The following ZNF560 variants were observed in gnomAD, a reference collection of about 807,000 sequenced individuals.
ZNF560 encodes the protein zinc finger protein 560.
ZNF560 carries 54 observed loss-of-function variants against 81.8 expected under a neutral mutation model. The observed-to-expected ratio is 0.66, with a 90% CI of 0.53 to 0.83. The LOEUF (loss-of-function observed/expected upper bound fraction) is 0.83. Among genes scored for constraint, ZNF560 ranks in the 40% least tolerant of loss-of-function variants. The probability of loss-of-function intolerance (pLI) is 0.00; values close to 1 mark genes in which losing one functional copy is unlikely to be tolerated. For missense variants in ZNF560, 940 were observed against 932.4 expected, an observed-to-expected ratio of 1.01 and a Z score of -0.11; for synonymous variants, 321 against 317.9, an observed-to-expected ratio of 1.01 and a Z score of -0.10.
In ZNF560 at chr19:9,468,317, T is replaced by C. The variant is rs749746647; in HGVS notation, c.630A>G (p.Gly210=). Residue 210 remains glycine (G), a synonymous_variant, in exon 10 of 10, where the codon GGA becomes GGG. Transcript: ENST00000301480. ...NGIQLARNQN[G]EELYDCKQCE... ...ATTGCTTACAGTCATAGAGTTCCTCTCCATTTTGGTTTCTTGCCTGTTAAC... is the reference window on the plus strand; with the variant it reads ...ATTGCTTACAGTCATAGAGTTCCTCCCCATTTTGGTTTCTTGCCTGTTAAC... 21 of 1,592,016 alleles carry C rather than the reference T, an allele frequency of 1.3e-5. No homozygotes were observed. Among genetic ancestry groups the C allele is most frequent in the East Asian group, 4.5e-5 (2 of 44,722 alleles).
At chr19:9,456,476 C>A in the ZNF560 span, among the ~76,000 whole-genome samples, 54 of 152,170 alleles carry the variant, frequency 3.5e-4, 1 homozygote, top group East Asian at 0.01. Flanking sequence ...ACTAAAAGAA[C>A]AAGGGGATTT....
chr19:9,450,059 G>A, the ZNF560 span, among the ~76,000 whole-genome samples: 3 of 150,808 alleles, frequency 2.0e-5, no homozygotes, highest in Non-Finnish European at 2.9e-5. Context: ...TTGGGACACT[G>A]AGGCAGCTGG....
upstream of ZNF560, among the ~76,000 whole-genome samples, chr19:9,503,118 G>A (rs12462997): frequency 0.1 from 15,601 of 152,054 alleles, 941 homozygotes; most frequent in South Asian, 0.2. Context: ...CACTTTGCGA[G>A]GCCAAGGTGA....
chr19:9,450,126 A>C, the ZNF560 span, among the ~76,000 whole-genome samples: 2 of 151,822 alleles, frequency 1.3e-5, no homozygotes, highest in Non-Finnish European at 2.9e-5. Flanking sequence ...CCCTGTCTCT[A>C]TTAAAAATAC....
chr19:9,481,086 A>C (rs1283845645), intron 2 of ZNF560, among the ~76,000 whole-genome samples: 20 of 149,694 alleles, frequency 1.3e-4, no homozygotes, highest in African/African-American at 4.1e-4. Context: ...TTATCTGAAA[A>C]AAAAAAAAAA....
chr19:9,506,409 CTGT>C, the ZNF560 span, among the ~76,000 whole-genome samples: 2 of 102,436 alleles, frequency 2.0e-5, no homozygotes, highest in Non-Finnish European at 4.1e-5. Flanking sequence ...CTGCACGCTT[CTGT>C]TGTTTTTTTT....
At chr19:9,491,825 C>CAAA (rs1337657281) in intron 2 of ZNF560, among the ~76,000 whole-genome samples, 5 of 28,930 alleles carry the variant, frequency 1.7e-4, no homozygotes, top group African/African-American at 6.8e-4. Flanking sequence ...GACTCCGTCT[C>CAAA]AAAAAAAAAA....
At position 9,467,751 on chromosome 19, in the gene ZNF560, G is replaced by A. The variant is rs2073052349; in HGVS notation, c.1196C>T (p.Thr399Ile). 7 of 1,614,046 alleles carry A rather than the reference G, an allele frequency of 4.3e-6. No individual in the cohort carries two copies. Among genetic ancestry groups the A allele is most frequent in the Non-Finnish European group, 5.9e-6 (7 of 1,180,022 alleles). The change falls in exon 10 of 10, where the codon ACT (threonine) becomes ATT (isoleucine). Residue 399 changes from threonine (T) to isoleucine (I), a missense_variant. Thr to Ile is a moderately conservative substitution (Grantham distance 89, BLOSUM62 -1). Transcript: ENST00000301480. ...CTTACACCCATAGGGCTTCTCTCCA[G>A]TGTGAGTTCGTACATGTTCAAGAAA... ...SGFLEHVRTH[T>I]GEKPYGCKEC...
At chr19:9,447,680 G>A in the ZNF560 span, among the ~76,000 whole-genome samples, 1 of 151,944 alleles carries the variant, frequency 6.6e-6, no homozygotes. Context: ...AGAAAAAAAT[G>A]TAAGGAACAA....
chr19:9,475,358 T>C lies in ZNF560; in HGVS notation c.-45A>G. On this transcript the variant is annotated 5_prime_UTR_variant, in exon 3 of 10. Coordinates refer to ENST00000301480, the MANE Select transcript of ZNF560 (RefSeq NM_152476.3). ...TTTTCTTCATGAAGGCAGATTGGGT[T>C]CCTAGAAAGACCTGGAAAAGAAAGA... is the stretch of plus-strand genomic sequence containing the variant. 6.2e-7 allele frequency: 1 copy of C among 1,603,440 alleles called. No homozygotes were observed. The highest frequency in any genetic ancestry group is 2.2e-5 in the East Asian group (1 of 44,784).
chr19:9,466,259 T>C (rs542484452), downstream of ZNF560, among the ~76,000 whole-genome samples: 35 of 151,524 alleles, frequency 2.3e-4, no homozygotes, highest in South Asian at 8.3e-4. Context: ...AGCAGGAGAA[T>C]TGCTTGAACT....
the ZNF560 span, among the ~76,000 whole-genome samples, chr19:9,451,229 T>TA: frequency 6.6e-6 from 1 of 152,112 alleles, no homozygotes; most frequent in Admixed American, 6.5e-5. Context: ...CAAACTACAC[T>TA]ACAAGCCTAC....
the ZNF560 span, among the ~76,000 whole-genome samples, chr19:9,447,108 A>G: frequency 6.9e-6 from 1 of 143,938 alleles, no homozygotes; most frequent in Non-Finnish European, 1.5e-5. Flanking sequence ...CATTCCAGCC[A>G]GGGCAACAGA....
chr19:9,501,958 G>T (rs1270535477), upstream of ZNF560, among the ~76,000 whole-genome samples: 1 of 151,714 alleles, frequency 6.6e-6, no homozygotes, highest in Non-Finnish European at 1.5e-5. Flanking sequence ...TTTGAGACCT[G>T]CCTGGCCAAC....
chr19:9,489,898 G>A (rs1056352517), intron 2 of ZNF560, among the ~76,000 whole-genome samples: 1 of 152,116 alleles, frequency 6.6e-6, no homozygotes, highest in African/African-American at 2.4e-5. Context: ...CCAGTCTCTT[G>A]TATTTCTTTA....
chr19:9,448,233 G>T, the ZNF560 span, among the ~76,000 whole-genome samples: 8 of 151,084 alleles, frequency 5.3e-5, no homozygotes, highest in African/African-American at 1.7e-4. Context: ...TGTGGCGGGG[G>T]GTTTGTTTGT....
rs2073064914 is a variant in ZNF560, at chr19:9,468,251, G to A, written c.696C>T (p.Asn232=). Residue 232 remains asparagine, a synonymous_variant, in exon 10 of 10, where the codon AAC becomes AAT. Coordinates refer to ENST00000301480, the MANE Select transcript of ZNF560 (RefSeq NM_152476.3). ...VFCKHPCLKT[N]MSTQNRGNTS... is the part of the protein sequence containing the mutation. ...TGTTGCCTCTATTTTGAGTACTCAT[G>A]TTGGTCTTAAGGCATGGATGTTTAC... 1 of 1,614,076 alleles carries A rather than the reference G, an allele frequency of 6.2e-7. No homozygotes were observed. Among genetic ancestry groups the A allele is most frequent in the Non-Finnish European group, 8.5e-7 (1 of 1,179,988 alleles).
intron 5 of ZNF560, among the ~76,000 whole-genome samples, chr19:9,472,078 C>T (rs59427591): frequency 4.0e-5 from 6 of 151,104 alleles, no homozygotes; most frequent in African/African-American, 1.5e-4. Context: ...CCACTGCACT[C>T]CAGCCTGGGG....
chr19:9,493,530 T>G (rs1487026256), intron 2 of ZNF560, among the ~76,000 whole-genome samples: 1 of 151,868 alleles, frequency 6.6e-6, no homozygotes, highest in Non-Finnish European at 1.5e-5. Context: ...CCCAACTAAT[T>G]TTTGTATTTT....
Sources: allele counts gnomAD v4.1 joint callset (sites outside exome capture counted in the v4.1 genomes callset), GRCh38; gene constraint gnomAD v4.1.1; transcripts MANE v1.5; gene names NCBI Gene and HGNC (gene_info 2026-07-23, HGNC 2026-07-21).